Variants in IVD observed in about 807,000 individuals in gnomAD.
IVD encodes isovaleryl-CoA dehydrogenase, mitochondrial.
Under a neutral mutation model 51.3 loss-of-function variants are expected in IVD, and 31 were observed. The observed-to-expected ratio is 0.60, with a 90% confidence interval of 0.45 to 0.81. IVD has a LOEUF of 0.81. Ranked by LOEUF, IVD falls within the 40% of genes least tolerant of loss-of-function variation. The pLI, the probability that IVD is intolerant of heterozygous loss-of-function variation, is 0.00. For synonymous variants in IVD, 205 were observed against 219.4 expected, an observed-to-expected ratio of 0.93 and a Z score of 0.58; for missense variants, 475 against 552.0, an observed-to-expected ratio of 0.86 and a Z score of 1.40.
Position 40,407,220 on chromosome 15 carries a change from G to A in IVD, c.145-416G>A, listed in dbSNP as rs558995527. ...CAGACCCTTTTAGCCAAAGGTTCGG[G>A]GGCTTAAAAGAGCCTGACAACTATT... On this transcript the variant is annotated intron_variant, in intron 1 of 11. Coordinates refer to ENST00000487418, the MANE Select transcript of IVD (RefSeq NM_002225.5). Among the ~76,000 whole-genome samples, 25 of 152,346 alleles carry A rather than the reference G, an allele frequency of 1.6e-4. 2 individuals are homozygous for A. Among genetic ancestry groups the A allele is most frequent in the African/African-American group, 6.0e-4 (25 of 41,588 alleles).
At chr15:40,421,679 A>G (rs12914315), downstream of IVD, among the ~76,000 whole-genome samples, 94,025 of 152,124 alleles carry the variant, frequency 0.62, 30,096 homozygotes, top group East Asian at 0.81. Context: ...CCACCATCTG[A>G]GTCCTAAAGC....
rs1891738418 is a variant in IVD at position 40,416,812 on chromosome 15, G to A, written c.1138+450G>A. ...CCCAGTTACAAGGAGGAAATGGAAA[G>A]CAAATGAGAAAACTGCTAGATGCCA... is the stretch of plus-strand genomic sequence containing the variant. On this transcript the variant is annotated intron_variant, in intron 11 of 11. Transcript: ENST00000487418. Among the ~76,000 whole-genome samples, 3 of 152,222 alleles carry A rather than the reference G, an allele frequency of 2.0e-5. No homozygotes were observed. In the South Asian group the frequency reaches 6.2e-4, roughly 31 times the overall value.
intron 11 of IVD, 142 bp from the exon 12 acceptor site, chr15:40,417,988 A>C: frequency 3.6e-5 from 35 of 961,180 alleles, no homozygotes; most frequent in Non-Finnish European, 4.9e-5. Context: ...TATTCCCCAC[A>C]CCCCTCCCTC....
At chr15:40,409,051 C>G (rs1871670823) in intron 3 of IVD, among the ~76,000 whole-genome samples, 1 of 152,136 alleles carries the variant, frequency 6.6e-6, no homozygotes, top group South Asian at 2.1e-4. Flanking sequence ...AGTTATATCA[C>G]CTTTCATAAA....
At chr15:40,408,587 C>T (rs895647409) in intron 3 of IVD, among the ~76,000 whole-genome samples, 3 of 152,112 alleles carry the variant, frequency 2.0e-5, no homozygotes, top group Admixed American at 6.6e-5. Context: ...AGGCAGGGAG[C>T]TAGCAGGCTC....
chr15:40,408,069 A>G (rs1890658419), intron 3 of IVD, 79 bp downstream of exon 3: 12 of 1,383,014 alleles, frequency 8.7e-6, no homozygotes, highest in Non-Finnish European at 1.2e-5. Context: ...CAGGAAGGGA[A>G]GGGAAAGATT....
intron 8 of IVD, 56 bp from the exon 9 acceptor site, chr15:40,415,345 C>A: frequency 1.4e-6 from 2 of 1,479,884 alleles, no homozygotes; most frequent in South Asian, 2.3e-5. Context: ...CATTTTGCCA[C>A]CACACCCGGT....
chr15:40,411,839 G>A, intron 6 of IVD, 148 bp downstream of exon 6: 1 of 974,524 alleles, frequency 1.0e-6, no homozygotes, highest in Non-Finnish European at 1.6e-6. Context: ...CAGACTGCAA[G>A]GAGGGTGACC....
downstream of IVD, chr15:40,424,093 C>T (rs928587930): frequency 3.3e-6 from 4 of 1,213,512 alleles, no homozygotes; most frequent in Non-Finnish European, 4.3e-6. Flanking sequence ...TTAAATACTT[C>T]CTGGATCTTA....
chr15:40,414,059 A>C (rs1318363653), intron 7 of IVD, among the ~76,000 whole-genome samples: 1 of 152,080 alleles, frequency 6.6e-6, no homozygotes, highest in African/African-American at 2.4e-5. Context: ...GGGTTTCACC[A>C]TGTTGGCCAG....
At chr15:40,415,357 G>A in intron 8 of IVD, 44 bp from the exon 9 acceptor site, 1 of 1,538,756 alleles carries the variant, frequency 6.5e-7, no homozygotes. Flanking sequence ...ACACCCGGTG[G>A]TGGGATGAGG....
chr15:40,416,122 G>T lies in IVD; in HGVS notation c.1005G>T (p.Ala335=), dbSNP rs570369496. The T allele has an allele frequency of 1.2e-6, 2 of 1,614,258 alleles. No individual in the cohort carries two copies. The highest frequency in any genetic ancestry group is 1.7e-6 in the Non-Finnish European group (2 of 1,180,038). The change falls in exon 10 of 12, where the codon GCG becomes GCT. Residue 335 remains alanine (A), a synonymous_variant. Coordinates refer to ENST00000487418, the MANE Select transcript of IVD (RefSeq NM_002225.5). ...KMADMYTRLM[A]CRQYVYNVAK... ...CTGACATGTACACCCGCCTCATGGC[G>T]TGTCGGCAGTATGTCTACAATGTCG...
chr15:40,406,365 C>G (rs1047073061), intron 1 of IVD: 1 of 1,313,990 alleles, frequency 7.6e-7, no homozygotes, highest in South Asian at 1.2e-5. Context: ...GCTTCTCACA[C>G]CTGGGTGGTC....
chr15:40,406,306 G>A, intron 1 of IVD: 1 of 1,393,214 alleles, frequency 7.2e-7, no homozygotes, highest in Non-Finnish European at 9.5e-7. Context: ...GTGGCACAAG[G>A]GCCCTCAATC....
intron 8 of IVD, among the ~76,000 whole-genome samples, chr15:40,435,146 T>C (rs544331698): frequency 2.9e-4 from 44 of 152,310 alleles, no homozygotes; most frequent in Admixed American, 2.4e-3. Flanking sequence ...TGTTCCTATA[T>C]GGTTTTTATG....
chr15:40,427,809 C>T (rs1018293606), downstream of IVD, among the ~76,000 whole-genome samples: 1 of 152,168 alleles, frequency 6.6e-6, no homozygotes, highest in Non-Finnish European at 1.5e-5. Flanking sequence ...GCATCCTGCC[C>T]AGCCCCTCCT....
chr15:40,406,611 T>C (rs962890913), intron 1 of IVD, among the ~76,000 whole-genome samples: 10 of 152,042 alleles, frequency 6.6e-5, no homozygotes, highest in African/African-American at 2.2e-4. Flanking sequence ...CTAAGCAACA[T>C]AGCCAGACCC....
Position 40,420,374 on chromosome 15 carries a change from A to G in IVD, c.*2111A>G. On this transcript the variant is annotated 3_prime_UTR_variant, in exon 12 of 12. Transcript: ENST00000487418. ...AGGCTGCCTGTGTACATTTCTCCAG[A>G]TACCCTATGGCTAATTTTGTTATAA... The G allele has an allele frequency of 1.0e-6, 1 of 987,640 alleles. No individual in the cohort carries two copies. The highest frequency in any genetic ancestry group is 1.2e-6 in the Non-Finnish European group (1 of 830,122). The allele number at this position is 987,640 out of a possible 1,614,324, so 61.2% of individuals were successfully genotyped here.
At chr15:40,407,880 C>T in intron 2 of IVD, 59 bp from the exon 3 acceptor site, 15 of 1,570,086 alleles carry the variant, frequency 9.6e-6, no homozygotes, top group Non-Finnish European at 1.3e-5. Flanking sequence ...GTTCCAGCCA[C>T]ATGTGACTGG....
Sources: gnomAD v4.1 joint callset for allele counts (sites outside exome capture counted in the v4.1 genomes callset) on GRCh38, gnomAD v4.1.1 for gene constraint, MANE v1.5 for transcripts, NCBI Gene and HGNC (gene_info 2026-07-23, HGNC 2026-07-21) for gene names.